Variants in QSOX1 observed in about 807,000 individuals in gnomAD.
QSOX1 encodes sulfhydryl oxidase 1.
A neutral mutation model predicts 76.1 loss-of-function variants in QSOX1; 40 were observed. The observed-to-expected ratio is 0.53, with a 90% CI of 0.41 to 0.68. The LOEUF is 0.68. Ranked by LOEUF, QSOX1 falls within the 30% of genes least tolerant of loss-of-function variation. The pLI, the probability that QSOX1 is intolerant of heterozygous loss-of-function variation, is 0.00. For missense variants in QSOX1, 931 were observed against 974.3 expected (o/e 0.96, Z 0.59); for synonymous variants, 392 against 413.1 (o/e 0.95, Z 0.62).
chr1:180,162,533 C>T (rs998441631), intron 1 of QSOX1, among the ~76,000 whole-genome samples: 1 of 152,124 alleles, frequency 6.6e-6, no homozygotes, highest in East Asian at 1.9e-4. Context: ...CCTAGGGGTT[C>T]GAGACCAGTC....
chr1:180,194,999 G>GGGGGA (rs1553275531), intron 11 of QSOX1, among the ~76,000 whole-genome samples: 2 of 150,318 alleles, frequency 1.3e-5, no homozygotes, highest in African/African-American at 5.0e-5. Context: ...AGCCTCCCGG[G>GGGGGA]GGGGGGAGAC....
rs147295630 is a variant in QSOX1, at chr1:180,195,075, C to T, written c.1468+683C>T. On this transcript the variant is annotated intron_variant, in intron 11 of 11. Coordinates refer to ENST00000367602, the MANE Select transcript of QSOX1 (RefSeq NM_002826.5). ...GGTGGTGCAGGCGCCTGCACTTGGT[C>T]GTGGTCTCCTGGGGCCTCCTATCGA... 2.0e-5 allele frequency among the ~76,000 whole-genome samples: 3 copies of T among 151,982 alleles called. No individual in the cohort carries two copies. In the South Asian group the frequency reaches 6.2e-4, roughly 32 times the overall value.
chr1:180,168,999 G>C (rs1662702324), intron 2 of QSOX1, among the ~76,000 whole-genome samples: 1 of 152,238 alleles, frequency 6.6e-6, no homozygotes, highest in Non-Finnish European at 1.5e-5. Context: ...ACACAAGTCT[G>C]GCCTCCCTGA....
chr1:180,176,031 C>T lies in QSOX1; in HGVS notation c.513C>T (p.Ala171=). 6.3e-7 allele frequency: 1 copy of T among 1,587,516 alleles called. No individual in the cohort carries two copies. The highest frequency in any genetic ancestry group is 1.2e-5 in the South Asian group (1 of 86,928). ...WPPACPPLEP[A]KLEEIDGFFA... ...CAGCCTGTCCCCCACTGGAGCCTGC[C>T]AAGTACTTTGGGCTGGGGCAGGCTT... The change falls in exon 4 of 12, where the codon GCC becomes GCT. Residue 171 remains alanine, a splice_region_variant and synonymous_variant. Transcript: ENST00000367602.
chr1:180,185,071 G>T (rs894202130), intron 7 of QSOX1, among the ~76,000 whole-genome samples: 1 of 152,164 alleles, frequency 6.6e-6, no homozygotes, highest in Non-Finnish European at 1.5e-5. Flanking sequence ...ACTTCTGGAG[G>T]CAGGGCACAG....
Position 180,196,957 on chromosome 1 carries a change from A to G in QSOX1, c.2164A>G (p.Met722Val), listed in dbSNP as rs201396414. ...LCVGLYSLSFMGLLAMYTYFQ... is the reference protein window; with the variant it reads ...LCVGLYSLSFVGLLAMYTYFQ... ...TGTGGGGCTCTATTCCCTGTCCTTC[A>G]TGGGCCTGCTGGCCATGTACACCTA... Residue 722 changes from methionine to valine, a missense_variant, in exon 12 of 12, where the codon ATG becomes GTG. By Grantham distance (21) the Met-to-Val change is conservative. Transcript: ENST00000367602. The surrounding 1 kb of genome is among the most constrained non-coding windows in gnomAD (Gnocchi z 4.1). 8 of 1,610,582 alleles carry G rather than the reference A, an allele frequency of 5.0e-6. No homozygotes were observed. The East Asian group carries it at 1.6e-4, about 31-fold the overall frequency.
Position 180,196,904 on chromosome 1 carries a change from G to C in QSOX1, c.2111G>C (p.Gly704Ala). The C allele has an allele frequency of 6.3e-7, 1 of 1,593,122 alleles. No homozygotes were observed. The highest frequency in any genetic ancestry group is 8.6e-7 in the Non-Finnish European group (1 of 1,167,538). Reference protein sequence around the residue: ...RGQWLQVLGGGFSYLDISLCV... With the variant: ...RGQWLQVLGGAFSYLDISLCV... ...CAGTGGCTGCAGGTGCTGGGAGGGG[G>C]CTTCTCTTACCTGGACATCAGCCTC... The change falls in exon 12 of 12, where the codon GGC (glycine) becomes GCC (alanine). Residue 704 changes from glycine (G) to alanine (A), a missense_variant. Gly to Ala is a moderately conservative substitution (Grantham distance 60, BLOSUM62 0). Coordinates refer to ENST00000367602, the MANE Select transcript of QSOX1 (RefSeq NM_002826.5). The surrounding 1 kb of genome is among the most constrained non-coding windows in gnomAD (Gnocchi z 4.1).
At chr1:180,180,724 T>G (rs12035520) in intron 5 of QSOX1, among the ~76,000 whole-genome samples, 116,986 of 152,070 alleles carry the variant, frequency 0.77, 45,464 homozygotes, top group Non-Finnish European at 0.82. Flanking sequence ...ACCATGTTGG[T>G]AAGGATGGTC....
chr1:180,168,851 T>C (rs1662698453), intron 2 of QSOX1, among the ~76,000 whole-genome samples: 1 of 152,190 alleles, frequency 6.6e-6, no homozygotes, highest in South Asian at 2.1e-4. Context: ...GCCAGAGACA[T>C]AGCCCTGTTG....
Position 180,198,450 on chromosome 1 carries a change from T to C in QSOX1, c.*1413T>C, listed in dbSNP as rs552142093. On this transcript the variant is annotated 3_prime_UTR_variant, in exon 12 of 12. Coordinates refer to ENST00000367602, the MANE Select transcript of QSOX1 (RefSeq NM_002826.5). ...TCCGGCCTGCTGGGTTTTACAAGGA[T>C]CAGAGCTGCTGATAATGAACCTCAT... 6.6e-5 allele frequency: 30 copies of C among 451,734 alleles called. 1 individual carries two copies. The highest frequency in any genetic ancestry group is 4.2e-4 in the South Asian group (27 of 64,498). 28.0% of individuals were successfully genotyped at this position (451,734 alleles called of 1,614,324 possible).
intron 1 of QSOX1, among the ~76,000 whole-genome samples, chr1:180,162,187 A>G (rs932764377): frequency 1.3e-5 from 2 of 152,258 alleles, no homozygotes; most frequent in Admixed American, 6.5e-5. Context: ...TTGGGGATAC[A>G]CCTTAATAGC....
At chr1:180,194,864 C>T (rs1478917996) in intron 11 of QSOX1, among the ~76,000 whole-genome samples, 1 of 152,172 alleles carries the variant, frequency 6.6e-6, no homozygotes, top group Non-Finnish European at 1.5e-5. Context: ...TCCTTTTCCT[C>T]ATCAGGAGTC....
At position 180,178,941 on chromosome 1, in the gene QSOX1, G is replaced by C. The variant is rs564891167; in HGVS notation, c.606+57G>C. The stretch of plus-strand genomic sequence containing the variant: ...GGATAGCCATGGAGAGAGAGCCCCA[G>C]TTTGGGAGCAGGGCTTTTCCTGCCA... On this transcript the variant is annotated intron_variant, in intron 5 of 11. Transcript: ENST00000367602. The C allele has an allele frequency of 5.0e-5, 75 of 1,505,322 alleles. No homozygotes were observed. The African/African-American group carries it at 8.9e-4, about 18-fold the overall frequency. 93.2% of individuals were successfully genotyped at this position (1,505,322 alleles called of 1,614,324 possible). A position where few individuals can be genotyped will look rare whatever the true frequency, so the allele number is the denominator to read the frequency against.
rs12057162 is a variant in QSOX1, at chr1:180,200,814, C to G, written c.*3777C>G. 1 of 152,214 alleles carries G rather than the reference C, an allele frequency of 6.6e-6. No individual in the cohort carries two copies. Among genetic ancestry groups the G allele is most frequent in the Non-Finnish European group, 1.5e-5 (1 of 68,052 alleles). The allele number at this position is 152,214 out of a possible 1,614,324, so 9.4% of individuals were successfully genotyped here. A position where few individuals can be genotyped will look rare whatever the true frequency, so the allele number is the denominator to read the frequency against. ...TCTACCCCTTCTAACACATGTGATT[C>G]TGTTTCATGTCCTGTTCCATCGGTA... On this transcript the variant is annotated 3_prime_UTR_variant, in exon 12 of 12. Transcript: ENST00000367602.
rs1663494588 is a variant in QSOX1, at chr1:180,196,533, T to G, written c.1740T>G (p.Pro580=). The G allele has an allele frequency of 1.2e-6, 2 of 1,614,106 alleles. No individual in the cohort carries two copies. The highest frequency in any genetic ancestry group is 1.7e-6 in the Non-Finnish European group (2 of 1,180,022). The part of the protein sequence containing the change: ...ELESRNSTLD[P]GKPEMMKSPT... Reference sequence around the variant, plus strand: ...AAAGCCGGAATTCAACTCTGGACCCTGGGAAGCCTGAGATGATGAAGTCCC... The same window carrying G: ...AAAGCCGGAATTCAACTCTGGACCCGGGGAAGCCTGAGATGATGAAGTCCC... The change falls in exon 12 of 12, where the codon CCT becomes CCG. Residue 580 remains proline (P), a synonymous_variant. Coordinates refer to ENST00000367602, the MANE Select transcript of QSOX1 (RefSeq NM_002826.5). The surrounding 1 kb of genome is among the most constrained non-coding windows in gnomAD (Gnocchi z 4.1).
intron 1 of QSOX1, among the ~76,000 whole-genome samples, chr1:180,157,337 A>G (rs1378536404): frequency 1.3e-5 from 2 of 152,154 alleles, no homozygotes. Context: ...ACTCTAACCC[A>G]AAGGGGTGTT....
chr1:180,163,323 T>C (rs1232695442), intron 1 of QSOX1, among the ~76,000 whole-genome samples: 1 of 152,230 alleles, frequency 6.6e-6, no homozygotes, highest in Non-Finnish European at 1.5e-5. Context: ...CATCCTTACA[T>C]TTTATGACTT....
intron 1 of QSOX1, among the ~76,000 whole-genome samples, chr1:180,162,606 G>A (rs1007231360): frequency 6.6e-6 from 1 of 152,052 alleles, no homozygotes; most frequent in Non-Finnish European, 1.5e-5. Context: ...AGGTGTGGTG[G>A]TGTGCACCTG....
intron 5 of QSOX1, among the ~76,000 whole-genome samples, chr1:180,180,561 C>T (rs574595846): frequency 1.3e-3 from 198 of 152,320 alleles, no homozygotes; most frequent in African/African-American, 4.5e-3. Context: ...GTCGCCCAGG[C>T]GGGAGTGCAG....
Sources: allele counts gnomAD v4.1 joint callset (sites outside exome capture counted in the v4.1 genomes callset), GRCh38; gene constraint gnomAD v4.1.1; non-coding constraint Gnocchi (gnomAD v3.1); transcripts MANE v1.5; gene names NCBI Gene and HGNC (gene_info 2026-07-23, HGNC 2026-07-21).